The following MCF2L variants were observed in gnomAD, a reference collection of about 807,000 sequenced individuals.
MCF2L encodes the protein MCF.2 cell line derived transforming sequence like.
In MCF2L, 97 loss-of-function variants were observed where a neutral mutation model predicts 153.4. The ratio of observed to expected loss-of-function variants is 0.63; its 90% CI spans 0.54 to 0.75. The LOEUF is 0.75. Among genes scored for constraint, MCF2L ranks in the 30% least tolerant of loss-of-function variants. The pLI, the probability that MCF2L is intolerant of heterozygous loss-of-function variation, is 0.00. For synonymous variants in MCF2L, 659 were observed against 632.2 expected (o/e 1.04, Z -0.64); for missense variants, 1,347 against 1,495.2 (o/e 0.90, Z 1.64).
upstream of MCF2L, among the ~76,000 whole-genome samples, chr13:112,969,066 G>A (rs1333083265): frequency 6.6e-6 from 1 of 151,736 alleles, no homozygotes; most frequent in Non-Finnish European, 1.5e-5. The surrounding 1 kb of genome is among the most constrained non-coding windows in gnomAD (Gnocchi z 4.8). Flanking sequence ...GGTGACACGC[G>A]GGGCTCCCAG....
rs1040573592 is a variant in MCF2L, at chr13:113,027,593, G to A, written c.278+2835G>A. On this transcript the variant is annotated intron_variant, in intron 3 of 29. Transcript: ENST00000535094. The surrounding 1 kb of genome is among the most constrained non-coding windows in gnomAD (Gnocchi z 4.8). ...CTATGCGCCAGGCTCTGCTGGCTGA[G>A]CTGAGTGCACGGAGGAGGGGCTGGG... Among the ~76,000 whole-genome samples the A allele has an allele frequency of 6.6e-6, 1 of 152,208 alleles. No homozygotes were observed. The highest frequency in any genetic ancestry group is 2.4e-5 in the African/African-American group (1 of 41,462).
At position 113,053,092 on chromosome 13, in the gene MCF2L, C is replaced by T. The variant is rs776391359; in HGVS notation, c.370-7501C>T. On this transcript the variant is annotated intron_variant, in intron 4 of 29. Transcript: ENST00000535094. This position sits in a 1 kb window ranked among gnomAD's most constrained non-coding sequence, Gnocchi z 4.4. ...GCTCTGCCATCGTGTCAGTTCATCCCGGATTGCTGACATGGTGTCTCCTGA... is the reference window on the plus strand; with the variant it reads ...GCTCTGCCATCGTGTCAGTTCATCCTGGATTGCTGACATGGTGTCTCCTGA... Among the ~76,000 whole-genome samples the T allele has an allele frequency of 4.6e-5, 7 of 152,190 alleles. No homozygotes were observed. The East Asian group carries it at 5.8e-4, about 13-fold the overall frequency.
In MCF2L at chr13:113,064,617, G is replaced by GCT; in HGVS notation, c.606+198_606+199dup. 1 of 572,654 alleles carries GCT rather than the reference G, an allele frequency of 1.7e-6. No individual in the cohort carries two copies. Among genetic ancestry groups the GCT allele is most frequent in the Non-Finnish European group, 3.1e-6 (1 of 322,892 alleles). 35.5% of individuals were successfully genotyped at this position (572,654 alleles called of 1,614,324 possible). Reference sequence around the variant, plus strand: ...AACGTGAGTCATAAGTTTGGGAGTGGCTTTCTCTGGGCTTGGAGACCAAAA... The same window carrying GCT: ...AACGTGAGTCATAAGTTTGGGAGTGGCTCTTTCTCTGGGCTTGGAGACCAAAA... On this transcript the variant is annotated intron_variant, in intron 6 of 29. Coordinates refer to ENST00000535094, the MANE Select transcript of MCF2L (RefSeq NM_001112732.3). This position sits in a 1 kb window ranked among gnomAD's most constrained non-coding sequence, Gnocchi z 6.0.
At chr13:113,009,960 C>T (rs375147238) in intron 1 of MCF2L, 1 of 152,184 alleles carries the variant, frequency 6.6e-6, no homozygotes, top group African/African-American at 2.4e-5. Context: ...TGGACTGTAC[C>T]CCATGGCCCC....
intron 2 of MCF2L, among the ~76,000 whole-genome samples, chr13:112,914,994 T>C (rs1362229146): frequency 6.6e-6 from 1 of 152,176 alleles, no homozygotes; most frequent in Non-Finnish European, 1.5e-5. Context: ...TTCACCCATT[T>C]TTTTCCTAAT....
upstream of MCF2L, among the ~76,000 whole-genome samples, chr13:112,964,316 T>TGA (rs575851259): frequency 9.2e-4 from 140 of 152,330 alleles, 1 homozygote; most frequent in African/African-American, 3.1e-3. Context: ...TTAAGTGAGT[T>TGA]TGCCTTTTGT....
intron 1 of MCF2L, among the ~76,000 whole-genome samples, chr13:113,014,279 G>T (rs2084367073): frequency 6.6e-6 from 1 of 152,236 alleles, no homozygotes; most frequent in Non-Finnish European, 1.5e-5. Context: ...ACCCCCGAGG[G>T]TCCTGTGTGT....
chr13:113,024,608 C>A (rs772247664), intron 2 of MCF2L, 36 bp from the exon 3 acceptor site: 24 of 1,439,692 alleles, frequency 1.7e-5, no homozygotes, highest in Non-Finnish European at 1.5e-5. Flanking sequence ...GGGCATGGAG[C>A]CCTCGGCTAA....
Position 113,096,419 on chromosome 13 carries a change from G to T in MCF2L, c.3124G>T (p.Asp1042Tyr), listed in dbSNP as rs774002517. 2 of 1,596,048 alleles carry T rather than the reference G, an allele frequency of 1.3e-6. No individual in the cohort carries two copies. The highest frequency in any genetic ancestry group is 3.5e-5 in the Admixed American group (2 of 57,750). Residue 1042 changes from aspartate to tyrosine, a missense_variant, in exon 28 of 30, where the codon GAT becomes TAT. By Grantham distance (160) the Asp-to-Tyr change is radical. Around this residue, in one of 3 missense-constraint regions of MCF2L, gnomAD observed 383 missense variants for 335.4 expected, o/e 1.14. Transcript: ENST00000535094. ...GGCGGACCACGAGAAGGGAGGCCCC[G>T]ATGCGCTGCGCGTGAGGAGCGGGGA... is the stretch of plus-strand genomic sequence containing the variant. The part of the protein sequence containing the change: ...VVADHEKGGP[D>Y]ALRVRSGDVV...
At position 113,074,955 on chromosome 13, in the gene MCF2L, A is replaced by G. The variant is rs563863103; in HGVS notation, c.1117-43A>G. 6.5e-7 allele frequency: 1 copy of G among 1,542,970 alleles called. No individual in the cohort carries two copies. Among genetic ancestry groups the G allele is most frequent in the South Asian group, 1.2e-5 (1 of 84,426 alleles). On this transcript the variant is annotated intron_variant, in intron 10 of 29. Coordinates refer to ENST00000535094, the MANE Select transcript of MCF2L (RefSeq NM_001112732.3). The surrounding 1 kb of genome is among the most constrained non-coding windows in gnomAD (Gnocchi z 4.2). The stretch of plus-strand genomic sequence containing the variant: ...TACAGCAAGGCACTGTGTGCCTCGA[A>G]CAGAAAGAGGCCTGAGCTGGTCCTC...
At chr13:112,916,767 C>G (rs1354256819) in intron 2 of MCF2L, among the ~76,000 whole-genome samples, 1 of 152,162 alleles carries the variant, frequency 6.6e-6, no homozygotes, top group Non-Finnish European at 1.5e-5. Context: ...GAACAACCAG[C>G]TCACGCCTTG....
intron 18 of MCF2L, 47 bp from the exon 19 acceptor site, chr13:113,084,845 G>C (rs375680011): frequency 7.0e-7 from 1 of 1,438,012 alleles, no homozygotes; most frequent in South Asian, 1.1e-5. Context: ...CGCGTGATGC[G>C]CTGCCCATCC....
rs9603989 is a variant in MCF2L, at chr13:112,903,616, G to T, written c.169+1245G>T. On this transcript the variant is annotated intron_variant, in intron 2 of 29. Transcript: ENST00000375608. Reference sequence around the variant, plus strand: ...CTGTTGGTTTAGAGCTGGCTGGCTGGGGGGCTGCGTTTCGGTATAGTCACC... The same window carrying T: ...CTGTTGGTTTAGAGCTGGCTGGCTGTGGGGCTGCGTTTCGGTATAGTCACC... Among the ~76,000 whole-genome samples the T allele has an allele frequency of 5.2e-3, 797 of 152,304 alleles. 10 individuals carry two copies. Among genetic ancestry groups the T allele is most frequent in the African/African-American group, 0.018 (748 of 41,574 alleles).
At chr13:113,008,089 G>T (rs543432013) in intron 1 of MCF2L, among the ~76,000 whole-genome samples, 1 of 152,022 alleles carries the variant, frequency 6.6e-6, no homozygotes, top group African/African-American at 2.4e-5. Flanking sequence ...GCTAATTTTT[G>T]TATCTTTAGT....
intron 2 of MCF2L, among the ~76,000 whole-genome samples, chr13:112,926,098 C>G (rs1169228590): frequency 6.6e-6 from 1 of 152,224 alleles, no homozygotes; most frequent in Non-Finnish European, 1.5e-5. Context: ...ATAAACAGAA[C>G]ATGGTCCGTA....
chr13:113,083,941 A>G, intron 17 of MCF2L, 57 bp from the exon 18 acceptor site: 2 of 1,265,434 alleles, frequency 1.6e-6, no homozygotes, highest in Non-Finnish European at 2.3e-6. Context: ...TCCACTTGTC[A>G]CTGGTCCACG....
chr13:113,018,286 C>G (rs2084659166), intron 2 of MCF2L, among the ~76,000 whole-genome samples: 2 of 152,186 alleles, frequency 1.3e-5, no homozygotes, highest in Non-Finnish European at 2.9e-5. Flanking sequence ...AGCCTGTGTC[C>G]CTCGTAATCC....
At position 113,094,650 on chromosome 13, in the gene MCF2L, C is replaced by T. The variant is rs2035497135; in HGVS notation, c.3075+15C>T. The T allele has an allele frequency of 6.2e-7, 1 of 1,604,474 alleles. No homozygotes were observed. The highest frequency in any genetic ancestry group is 1.1e-5 in the South Asian group (1 of 89,842). Reference sequence around the variant, plus strand: ...CCAAGAAGCTGGTAACCACGGCTTCCCTGTGGGCACTTGGGGTGGGGGCTG... The same window carrying T: ...CCAAGAAGCTGGTAACCACGGCTTCTCTGTGGGCACTTGGGGTGGGGGCTG... On this transcript the variant is annotated intron_variant, in intron 27 of 29. Transcript: ENST00000535094.
At chr13:112,924,107 T>C (rs3011487) in intron 2 of MCF2L, among the ~76,000 whole-genome samples, 62,291 of 151,636 alleles carry the variant, frequency 0.41, 12,931 homozygotes, top group South Asian at 0.51. Context: ...GGAGAGCTTC[T>C]GTAACATGAC....
Sources: gnomAD v4.1 joint callset for allele counts (sites outside exome capture counted in the v4.1 genomes callset) on GRCh38, gnomAD v4.1.1 for gene constraint, gnomAD v4.1.1 regional missense constraint, Gnocchi (gnomAD v3.1) non-coding constraint, MANE v1.5 for transcripts, NCBI Gene and HGNC (gene_info 2026-07-23, HGNC 2026-07-21) for gene names.